EPB41L3: variants seen among roughly 807,000 people sequenced by gnomAD.
EPB41L3 encodes the protein band 4.1-like protein 3.
EPB41L3 carries 57 observed loss-of-function variants against 127.1 expected under a neutral mutation model. The ratio of observed to expected loss-of-function variants is 0.45; its 90% CI spans 0.36 to 0.56. The LOEUF is 0.56. Among genes scored for constraint, EPB41L3 ranks in the 20% least tolerant of loss-of-function variants. The pLI, the probability that EPB41L3 is intolerant of heterozygous loss-of-function variation, is 0.00. For missense variants in EPB41L3, 1,273 were observed against 1,372.2 expected, an observed-to-expected ratio of 0.93 and a Z score of 1.14; for synonymous variants, 572 against 549.5, an observed-to-expected ratio of 1.04 and a Z score of -0.57.
At chr18:5,555,657 T>A (rs1351341213) in intron 3 of EPB41L3, among the ~76,000 whole-genome samples, 1 of 152,178 alleles carries the variant, frequency 6.6e-6, no homozygotes, top group East Asian at 1.9e-4. Context: ...CTCTGGGCTC[T>A]GTCCACATCT....
intron 16 of EPB41L3, chr18:5,399,259 A>C (rs2074099573): frequency 2.5e-6 from 1 of 398,934 alleles, no homozygotes; most frequent in South Asian, 1.3e-4. Flanking sequence ...CCAGATTTTA[A>C]CATGTCAGCT....
chr18:5,449,523 C>T (rs557806360), intron 3 of EPB41L3, among the ~76,000 whole-genome samples: 2 of 152,300 alleles, frequency 1.3e-5, no homozygotes, highest in Admixed American at 1.3e-4. Flanking sequence ...AAAACTTGCA[C>T]ACAAATGTTT....
intron 1 of EPB41L3, among the ~76,000 whole-genome samples, chr18:5,508,766 C>CAA (rs397969769): frequency 0.013 from 652 of 51,554 alleles, 10 homozygotes; most frequent in African/African-American, 0.024. Context: ...GACTCCATCT[C>CAA]AAAAAAAAAA....
At chr18:5,527,215 T>C (rs1043007085) in intron 1 of EPB41L3, among the ~76,000 whole-genome samples, 2 of 152,150 alleles carry the variant, frequency 1.3e-5, no homozygotes, top group Non-Finnish European at 2.9e-5. Context: ...CTGAGCAGCA[T>C]GACTCTCATT....
chr18:5,454,773 GA>G (rs1246081877), intron 3 of EPB41L3, among the ~76,000 whole-genome samples: 1 of 152,198 alleles, frequency 6.6e-6, no homozygotes, highest in East Asian at 1.9e-4. Flanking sequence ...ATAGGAATAT[GA>G]AACTACTTCC....
intron 1 of EPB41L3, among the ~76,000 whole-genome samples, chr18:5,625,534 G>C (rs2094914123): frequency 6.6e-6 from 1 of 152,220 alleles, no homozygotes; most frequent in South Asian, 2.1e-4. Context: ...AACATATTCA[G>C]TTTGAGATGA....
intron 16 of EPB41L3, 41 bp downstream of exon 16, chr18:5,406,736 G>A (rs1406316747): frequency 3.2e-6 from 5 of 1,562,906 alleles, no homozygotes; most frequent in Non-Finnish European, 1.7e-6. Context: ...AGGAAGGCGG[G>A]TAAACAGAAT....
intron 13 of EPB41L3, among the ~76,000 whole-genome samples, chr18:5,412,305 C>A (rs2076293037): frequency 6.6e-6 from 1 of 152,080 alleles, no homozygotes; most frequent in Admixed American, 6.5e-5. Context: ...TCAAGTGATT[C>A]TCACACCTCA....
intron 8 of EPB41L3, 22 bp downstream of exon 8, chr18:5,433,447 T>C (rs776561117): frequency 1.3e-6 from 2 of 1,549,170 alleles, no homozygotes; most frequent in South Asian, 1.1e-5. Context: ...ATTGAAAGTT[T>C]AGGGTTTAAA....
At chr18:5,394,952 ATTCGGAATTTTC>A (rs2073099619) in intron 21 of EPB41L3, 103 bp downstream of exon 21, 1 of 1,256,382 alleles carries the variant, frequency 8.0e-7, no homozygotes, top group South Asian at 1.2e-5. Flanking sequence ...TGGAAAGTTA[ATTCGGAATTTTC>A]TTCGGAATAC....
Position 5,410,567 on chromosome 18 carries a change from T to C in EPB41L3, c.2120A>G (p.Glu707Gly). ...TAADGETTAT[E>G]SDQEEDAELK... ...GCCACTCTCAGCCAAAATACCAACC[T>C]CAGTGGCAGTGGTCTCCCCGTCGGC... Residue 707 changes from glutamate (E) to glycine (G), a missense_variant and splice_region_variant, in exon 14 of 23, where the codon GAG (glutamate) becomes GGG (glycine). By Grantham distance (98) the Glu-to-Gly change is moderately conservative. Coordinates refer to ENST00000341928, the MANE Select transcript of EPB41L3 (RefSeq NM_012307.5). 6.2e-7 allele frequency: 1 copy of C among 1,613,316 alleles called. No homozygotes were observed. Among genetic ancestry groups the C allele is most frequent in the Non-Finnish European group, 8.5e-7 (1 of 1,179,358 alleles).
Position 5,539,011 on chromosome 18 carries a change from T to TTTTTTTA in EPB41L3, c.-12+4901_-12+4902insTAAAAAA, listed in dbSNP as rs1555793323. On this transcript the variant is annotated intron_variant, in intron 1 of 22. Transcript: ENST00000341928. ...TTCTCCAAGATTTTTTTTTTTTTTT[T>TTTTTTTA]TTTTTTTGGTAGTAAAGCGTAAGTT... Among the ~76,000 whole-genome samples the TTTTTTTA allele has an allele frequency of 3.0e-4, 46 of 151,528 alleles. No homozygotes were observed. The East Asian group carries it at 8.7e-3, about 29-fold the overall frequency.
At chr18:5,610,426 T>G (rs1218365188) in intron 3 of EPB41L3, among the ~76,000 whole-genome samples, 2 of 152,128 alleles carry the variant, frequency 1.3e-5, no homozygotes, top group East Asian at 3.9e-4. Flanking sequence ...CAAAGTGATC[T>G]CTCATGAACA....
At chr18:5,478,024 G>A (rs2087597705) in intron 3 of EPB41L3, among the ~76,000 whole-genome samples, 1 of 152,008 alleles carries the variant, frequency 6.6e-6, no homozygotes, top group Non-Finnish European at 1.5e-5. Flanking sequence ...AAAAATATAA[G>A]GTCACAGTTT....
intron 2 of EPB41L3, among the ~76,000 whole-genome samples, chr18:5,480,683 C>A (rs1379308962): frequency 6.6e-6 from 1 of 152,152 alleles, no homozygotes; most frequent in Non-Finnish European, 1.5e-5. Context: ...TGGGGACTTG[C>A]GTGAGTTCTC....
chr18:5,412,993 G>T (rs2076387371), intron 13 of EPB41L3, among the ~76,000 whole-genome samples: 1 of 151,952 alleles, frequency 6.6e-6, no homozygotes, highest in Non-Finnish European at 1.5e-5. Context: ...CATTTAGTCA[G>T]TCAGTCAGTA....
At chr18:5,394,225 G>A (rs1350255814) in intron 22 of EPB41L3, 1 of 154,136 alleles carries the variant, frequency 6.5e-6, no homozygotes, top group East Asian at 1.9e-4. Flanking sequence ...GAAAGCTTAC[G>A]ACGGGATAAT....
intron 3 of EPB41L3, among the ~76,000 whole-genome samples, chr18:5,580,734 C>T (rs577377227): frequency 2.6e-5 from 4 of 152,258 alleles, no homozygotes; most frequent in South Asian, 2.1e-4. Flanking sequence ...CTAGCTTTTC[C>T]GGCATTGCTC....
intron 1 of EPB41L3, among the ~76,000 whole-genome samples, chr18:5,534,896 A>G (rs1455289063): frequency 6.6e-6 from 1 of 152,142 alleles, no homozygotes; most frequent in Admixed American, 6.5e-5. Context: ...ACAGTTACCT[A>G]GCTCAAGGTT....
Sources: gnomAD v4.1 joint callset for allele counts (sites outside exome capture counted in the v4.1 genomes callset) on GRCh38, gnomAD v4.1.1 for gene constraint, MANE v1.5 for transcripts, NCBI Gene and HGNC (gene_info 2026-07-23, HGNC 2026-07-21) for gene names.